KCNH6: variants seen among roughly 807,000 people sequenced by gnomAD.
The protein encoded by KCNH6 is voltage-gated inwardly rectifying potassium channel KCNH6.
A neutral mutation model predicts 83.4 loss-of-function variants in KCNH6; 81 were observed. The ratio of observed to expected loss-of-function variants is 0.97; its 90% confidence interval spans 0.81 to 1.17. The LOEUF (loss-of-function observed/expected upper bound fraction) is 1.17, where lower values mean the gene tolerates loss of function less well. Among genes scored for constraint, KCNH6 ranks in the 50% most tolerant of loss-of-function variants. KCNH6 has a pLI of 0.00. For synonymous variants in KCNH6, 503 were observed against 545.6 expected, an observed-to-expected ratio of 0.92 and a Z score of 1.09; for missense variants, 1,203 against 1,290.5, an observed-to-expected ratio of 0.93 and a Z score of 1.04.
In KCNH6 at chr17:63,538,256, A is replaced by G. The variant is rs375314370; in HGVS notation, c.1693A>G (p.Met565Val). Residue 565 changes from methionine to valine, a missense_variant, in exon 7 of 13, where the codon ATG becomes GTG. By Grantham distance (21) the Met-to-Val change is conservative. Coordinates refer to ENST00000314672, the MANE Select transcript of KCNH6 (RefSeq NM_001278919.2). The surrounding 1 kb of genome is among the most constrained non-coding windows in gnomAD (Gnocchi z 4.0). ...CTGGTCCTACACCAATGGCATTGAC[A>G]TGAACGCGGTGAGCCCCGCCGCTCC... ...HAWSYTNGID[M>V]NAVLKGFPEC... The G allele has an allele frequency of 6.2e-7, 1 of 1,613,982 alleles. No individual in the cohort carries two copies. The highest frequency in any genetic ancestry group is 8.5e-7 in the Non-Finnish European group (1 of 1,179,980).
In KCNH6 at chr17:63,538,538, C is replaced by G; in HGVS notation, c.1830C>G (p.Phe610Leu). ...KGCLRALAVK[F>L]KTTHAPPGDT... The stretch of plus-strand genomic sequence containing the variant: ...GCCTGCGCGCGCTAGCCGTCAAGTT[C>G]AAGACCACCCACGCGCCGCCTGGGG... The change falls in exon 8 of 13, where the codon TTC becomes TTG. Residue 610 changes from phenylalanine (F) to leucine (L), a missense_variant. Coordinates refer to ENST00000314672, the MANE Select transcript of KCNH6 (RefSeq NM_001278919.2). The surrounding 1 kb of genome is among the most constrained non-coding windows in gnomAD (Gnocchi z 4.0). The G allele has an allele frequency of 3.1e-6, 5 of 1,610,032 alleles. No homozygotes were observed. Among genetic ancestry groups the G allele is most frequent in the Non-Finnish European group, 4.2e-6 (5 of 1,178,446 alleles).
At chr17:63,548,517 T>C (rs1451328267), downstream of KCNH6, among the ~76,000 whole-genome samples, 4 of 152,168 alleles carry the variant, frequency 2.6e-5, no homozygotes, top group Admixed American at 2.0e-4. Context: ...TATAAATTAA[T>C]TGACATTTTA....
intron 2 of KCNH6, among the ~76,000 whole-genome samples, chr17:63,529,418 C>T (rs750002350): frequency 5.1e-4 from 77 of 152,318 alleles, no homozygotes; most frequent in South Asian, 2.5e-3. Context: ...CTGGTTCTGG[C>T]CCCAGCACTC....
chr17:63,531,050 G>A lies in KCNH6; in HGVS notation c.675+508G>A, dbSNP rs140160386. On this transcript the variant is annotated intron_variant, in intron 4 of 12. Coordinates refer to ENST00000314672, the MANE Select transcript of KCNH6 (RefSeq NM_001278919.2). ...TCCTCCTGCATGCCAGGCAGGGCAG[G>A]ATGAGGCTGGCACCTCCAGCTATCT... Among the ~76,000 whole-genome samples the A allele has an allele frequency of 6.5e-4, 99 of 152,354 alleles. 1 individual carries two copies. In the Middle Eastern group the frequency reaches 0.017, roughly 26 times the overall value.
chr17:63,535,840 G>A lies in KCNH6; in HGVS notation c.1273G>A (p.Val425Met), dbSNP rs377592017. ...CTGCATCTGGTACGCCATCGGCAATGTGGAGCGGCCCTACCTAGAACACAA... is the reference window on the plus strand; with the variant it reads ...CTGCATCTGGTACGCCATCGGCAATATGGAGCGGCCCTACCTAGAACACAA... ...LACIWYAIGNVERPYLEHKIG... is the reference protein window; with the variant it reads ...LACIWYAIGNMERPYLEHKIG... The change falls in exon 6 of 13, where the codon GTG (valine) becomes ATG (methionine). Residue 425 changes from valine to methionine, a missense_variant. Physicochemically the swap from Val to Met is conservative, Grantham distance 21 (BLOSUM62 1). Transcript: ENST00000314672. This position sits in a 1 kb window ranked among gnomAD's most constrained non-coding sequence, Gnocchi z 4.9. 3 of 1,614,086 alleles carry A rather than the reference G, an allele frequency of 1.9e-6. No homozygotes were observed. The highest frequency in any genetic ancestry group is 3.3e-5 in the Admixed American group (2 of 60,012).
chr17:63,524,042 A>G, intron 1 of KCNH6, 97 bp from the exon 2 acceptor site: 1 of 854,208 alleles, frequency 1.2e-6, no homozygotes, highest in South Asian at 1.4e-5. Context: ...CTCTGCCTAA[A>G]TTCCCCTTAC....
At chr17:63,542,910 C>T (rs1403007999) in intron 9 of KCNH6, among the ~76,000 whole-genome samples, 1 of 152,152 alleles carries the variant, frequency 6.6e-6, no homozygotes, top group Non-Finnish European at 1.5e-5. Flanking sequence ...TTCTCATGCT[C>T]ATCCCTCAGT....
At chr17:63,544,500 A>G in intron 11 of KCNH6, 89 bp downstream of exon 11, 1 of 1,198,742 alleles carries the variant, frequency 8.3e-7, no homozygotes, top group Non-Finnish European at 1.1e-6. Flanking sequence ...GGTGGGTTTT[A>G]GAATGGGGCA....
chr17:63,526,895 C>T (rs1248853789), intron 2 of KCNH6, among the ~76,000 whole-genome samples: 1 of 152,130 alleles, frequency 6.6e-6, no homozygotes, highest in African/African-American at 2.4e-5. Context: ...ATCTCAGAGA[C>T]CCCTGGGAAA....
At position 63,529,177 on chromosome 17, in the gene KCNH6, G is replaced by A. The variant is rs2031918136; in HGVS notation, c.308-914G>A. 2.0e-5 allele frequency among the ~76,000 whole-genome samples: 3 copies of A among 152,218 alleles called. No individual in the cohort carries two copies. The South Asian group carries it at 6.2e-4, about 31-fold the overall frequency. ...GCTGGTATTGTTCCATCCACCAAAG[G>A]GGGCTGCAGCCAGACCCTGGAGGGG... On this transcript the variant is annotated intron_variant, in intron 2 of 12. Coordinates refer to ENST00000314672, the MANE Select transcript of KCNH6 (RefSeq NM_001278919.2).
Position 63,533,876 on chromosome 17 carries a change from C to T in KCNH6, c.676-10C>T, listed in dbSNP as rs2032284765. 2 of 1,608,472 alleles carry T rather than the reference C, an allele frequency of 1.2e-6. No homozygotes were observed. The highest frequency in any genetic ancestry group is 1.7e-6 in the Non-Finnish European group (2 of 1,177,084). ...CCCCGTGCCTGACCTCCCTCGGCCC[C>T]CACCCCCAGGTCCTGTCCCTGGGCG... On this transcript the variant is annotated splice_polypyrimidine_tract_variant and intron_variant, in intron 4 of 12. Transcript: ENST00000314672. The surrounding 1 kb of genome is among the most constrained non-coding windows in gnomAD (Gnocchi z 4.1).
chr17:63,526,780 C>T (rs1343887234), intron 2 of KCNH6, among the ~76,000 whole-genome samples: 2 of 152,120 alleles, frequency 1.3e-5, no homozygotes, highest in Admixed American at 6.5e-5. Flanking sequence ...TGAAAATTCT[C>T]GAAGTCAAAG....
downstream of KCNH6, chr17:63,548,740 G>A (rs891223952): frequency 3.9e-5 from 6 of 152,036 alleles, no homozygotes; most frequent in African/African-American, 7.3e-5. Context: ...ACAAGGTACC[G>A]CGAATTTTGT....
intron 10 of KCNH6, 95 bp downstream of exon 10, chr17:63,543,755 C>G: frequency 1.3e-6 from 1 of 796,066 alleles, no homozygotes; most frequent in Non-Finnish European, 2.2e-6. Context: ...CCCAGCGCCA[C>G]CCCACTCCAT....
chr17:63,545,497 C>A, intron 12 of KCNH6, 112 bp from the exon 13 acceptor site: 1 of 1,180,614 alleles, frequency 8.5e-7, no homozygotes, highest in Non-Finnish European at 1.2e-6. Flanking sequence ...GCAGCAGGAC[C>A]CTGAGGTGTG....
intron 2 of KCNH6, among the ~76,000 whole-genome samples, chr17:63,524,650 A>G (rs1475470515): frequency 6.6e-6 from 1 of 152,030 alleles, no homozygotes; most frequent in Non-Finnish European, 1.5e-5. Flanking sequence ...CTGGCTCTCC[A>G]CTATCTTACT....
Position 63,543,570 on chromosome 17 carries a change from C to A in KCNH6, c.2149-6C>A. The A allele has an allele frequency of 6.2e-7, 1 of 1,604,258 alleles. No homozygotes were observed. The highest frequency in any genetic ancestry group is 8.5e-7 in the Non-Finnish European group (1 of 1,171,404). Reference sequence around the variant, plus strand: ...CCTGTTATTTCACCCTCTTGCTTCCCATAAGGCAGCCGGGGGTCTCCACTC... The same window carrying A: ...CCTGTTATTTCACCCTCTTGCTTCCAATAAGGCAGCCGGGGGTCTCCACTC... On this transcript the variant is annotated splice_polypyrimidine_tract_variant and splice_region_variant and intron_variant, in intron 9 of 12. Coordinates refer to ENST00000314672, the MANE Select transcript of KCNH6 (RefSeq NM_001278919.2).
chr17:63,524,246 C>A lies in KCNH6; in HGVS notation c.184C>A (p.Gln62Lys). ...CTACTCCCGAGTGGAGGTGATGCAG[C>A]AACCCTGCACCTGCGACTTCCTCAC... ...FGYSRVEVMQ[Q>K]PCTCDFLTGP... Residue 62 changes from glutamine to lysine, a missense_variant, in exon 2 of 13, where the codon CAA (glutamine) becomes AAA (lysine). Coordinates refer to ENST00000314672, the MANE Select transcript of KCNH6 (RefSeq NM_001278919.2). 6.2e-7 allele frequency: 1 copy of A among 1,614,108 alleles called. No homozygotes were observed. The highest frequency in any genetic ancestry group is 8.5e-7 in the Non-Finnish European group (1 of 1,180,000).
chr17:63,534,397 G>T lies in KCNH6; in HGVS notation c.1101+86G>T, dbSNP rs965450274. On this transcript the variant is annotated intron_variant, in intron 5 of 12. Transcript: ENST00000314672. This position sits in a 1 kb window ranked among gnomAD's most constrained non-coding sequence, Gnocchi z 5.0. ...CTCCCTGCTGCACAGCACTGGGTGCGGAGAGTATCTGGCACTGGGCACCTT... is the reference window on the plus strand; with the variant it reads ...CTCCCTGCTGCACAGCACTGGGTGCTGAGAGTATCTGGCACTGGGCACCTT... The T allele has an allele frequency of 1.5e-6, 2 of 1,354,288 alleles. No individual in the cohort carries two copies. Among genetic ancestry groups the T allele is most frequent in the African/African-American group, 2.9e-5 (2 of 68,950 alleles). The allele number at this position is 1,354,288 out of a possible 1,614,324, so 83.9% of individuals were successfully genotyped here.
Sources: allele counts gnomAD v4.1 joint callset (sites outside exome capture counted in the v4.1 genomes callset), GRCh38; gene constraint gnomAD v4.1.1; non-coding constraint Gnocchi (gnomAD v3.1); transcripts MANE v1.5; gene names NCBI Gene and HGNC (gene_info 2026-07-23, HGNC 2026-07-21).